Variants in ADCY1 observed in about 807,000 individuals in gnomAD.
The protein encoded by ADCY1 is adenylate cyclase 1.
A neutral mutation model predicts 105.4 loss-of-function variants in ADCY1; 28 were observed. The ratio of observed to expected loss-of-function variants is 0.27; its 90% CI spans 0.20 to 0.36. The LOEUF (loss-of-function observed/expected upper bound fraction) is 0.36, where lower values mean the gene tolerates loss of function less well. Ranked by LOEUF, ADCY1 falls within the 10% of genes least tolerant of loss-of-function variation. The pLI, the probability that ADCY1 is intolerant of heterozygous loss-of-function variation, is 1.00. For synonymous variants in ADCY1, 655 were observed against 623.8 expected, an observed-to-expected ratio of 1.05 and a Z score of -0.75; for missense variants, 977 against 1,434.2, an observed-to-expected ratio of 0.68 and a Z score of 5.15.
Position 45,719,399 on chromosome 7 carries a change from A to T in ADCY1, c.*5404A>T, listed in dbSNP as rs1454240294. 1 of 152,246 alleles carries T rather than the reference A, an allele frequency of 6.6e-6. No homozygotes were observed. Among genetic ancestry groups the T allele is most frequent in the Non-Finnish European group, 1.5e-5 (1 of 68,046 alleles). The allele number at this position is 152,246 out of a possible 1,614,324, so 9.4% of individuals were successfully genotyped here. ...GCAGATCCTGTACTAGGATGTGAGG[A>T]TATCTGTCACCTGCGTGGTCCATTC... On this transcript the variant is annotated 3_prime_UTR_variant, in exon 20 of 20. Transcript: ENST00000297323.
chr7:45,603,634 C>T (rs938279624), intron 2 of ADCY1, among the ~76,000 whole-genome samples: 1 of 152,134 alleles, frequency 6.6e-6, no homozygotes, highest in African/African-American at 2.4e-5. Context: ...ATTGGGACAG[C>T]CAAGATATGG....
rs1387210781 is a variant in ADCY1 at position 45,662,066 on chromosome 7, C to A, written c.1457C>A (p.Pro486Gln). The A allele has an allele frequency of 6.2e-7, 1 of 1,613,864 alleles. No individual in the cohort carries two copies. Among genetic ancestry groups the A allele is most frequent in the East Asian group, 2.2e-5 (1 of 44,878 alleles). ...CCTTGTGTGTTTGGACAGATATTTC[C>A]AGGCCTGATTCTCTCAGATATAAAA... ...IVPSHRRKIF[P>Q]GLILSDIKPA... Residue 486 changes from proline to glutamine, a missense_variant, in exon 8 of 20, where the codon CCA becomes CAA. Transcript: ENST00000297323.
chr7:45,583,952 T>TG (rs1562673101), intron 1 of ADCY1, among the ~76,000 whole-genome samples: 35 of 145,468 alleles, frequency 2.4e-4, no homozygotes, highest in Non-Finnish European at 3.5e-4. Flanking sequence ...TTTTTTTTTT[T>TG]TTTTTTTTTT....
intron 2 of ADCY1, among the ~76,000 whole-genome samples, chr7:45,605,214 T>G (rs1166851244): frequency 6.6e-6 from 1 of 152,098 alleles, no homozygotes; most frequent in African/African-American, 2.4e-5. Flanking sequence ...TAGGAGTCTT[T>G]TTGGTACAAT....
At chr7:45,698,569 G>A (rs1784930139) in intron 14 of ADCY1, among the ~76,000 whole-genome samples, 1 of 152,192 alleles carries the variant, frequency 6.6e-6, no homozygotes, top group African/African-American at 2.4e-5. Flanking sequence ...TGGGTCTGAA[G>A]TGCTGAGTTG....
intron 1 of ADCY1, among the ~76,000 whole-genome samples, chr7:45,583,560 A>G (rs1332127408): frequency 6.6e-6 from 1 of 152,210 alleles, no homozygotes. Context: ...GCCTTTGGGA[A>G]GTGGCTCAGC....
chr7:45,621,090 G>C (rs564365080), intron 3 of ADCY1, among the ~76,000 whole-genome samples: 1 of 151,670 alleles, frequency 6.6e-6, no homozygotes, highest in African/African-American at 2.4e-5. Context: ...TTTTTGAGAC[G>C]GGGTTCCACT....
chr7:45,610,830 G>GTGGAAGTATGGAGGTGACAT (rs1793544007), intron 3 of ADCY1, among the ~76,000 whole-genome samples: 2 of 98,810 alleles, frequency 2.0e-5, no homozygotes, highest in African/African-American at 3.7e-5. Context: ...GGAGGTGATA[G>GTGGAAGTATGGAGGTGACAT]TGGAGGTGTG....
At position 45,678,008 on chromosome 7, in the gene ADCY1, T is replaced by C. The variant is rs752856161; in HGVS notation, c.1745T>C (p.Met582Thr). The change falls in exon 9 of 20, where the codon ATG becomes ACG. Residue 582 changes from methionine to threonine, a missense_variant. Transcript: ENST00000297323. ...LLEARQTELE[M>T]ADLNFFTLKY... ...GAAGCCCGCCAGACAGAGCTGGAGA[T>C]GGCAGACCTGAACTTCTTTACCCTG... The C allele has an allele frequency of 6.2e-7, 1 of 1,614,078 alleles. No individual in the cohort carries two copies. Among genetic ancestry groups the C allele is most frequent in the African/African-American group, 1.3e-5 (1 of 74,936 alleles).
At chr7:45,660,981 G>A (rs1795084800) in intron 7 of ADCY1, among the ~76,000 whole-genome samples, 1 of 149,762 alleles carries the variant, frequency 6.7e-6, no homozygotes, top group Non-Finnish European at 1.5e-5. Flanking sequence ...GCTTAGGTGA[G>A]GGGTTCATGG....
chr7:45,582,473 C>A (rs574141817), intron 1 of ADCY1, among the ~76,000 whole-genome samples: 1 of 151,540 alleles, frequency 6.6e-6, no homozygotes, highest in Non-Finnish European at 1.5e-5. Context: ...AGGCAGGGAC[C>A]GGGCTAGGAC....
Position 45,686,013 on chromosome 7 carries a change from G to A in ADCY1, c.2125G>A (p.Val709Ile), listed in dbSNP as rs1386017889. Residue 709 changes from valine (V) to isoleucine (I), a missense_variant, in exon 13 of 20, where the codon GTC becomes ATC. Coordinates refer to ENST00000297323, the MANE Select transcript of ADCY1 (RefSeq NM_021116.4). The surrounding 1 kb of genome is among the most constrained non-coding windows in gnomAD (Gnocchi z 4.3). ...WSSKPNSSLV[V>I]LSSGGQRTAL... is the part of the protein sequence containing the mutation. ...CTCCAAGCCCAACAGTTCCCTGGTG[G>A]TCCTTTCGTCTGGGGGCCAGCGCAC... 6.2e-7 allele frequency: 1 copy of A among 1,614,044 alleles called. No homozygotes were observed. The highest frequency in any genetic ancestry group is 8.5e-7 in the Non-Finnish European group (1 of 1,180,000).
At chr7:45,654,332 G>A (rs1177909305) in intron 5 of ADCY1, among the ~76,000 whole-genome samples, 1 of 152,170 alleles carries the variant, frequency 6.6e-6, no homozygotes, top group East Asian at 1.9e-4. Context: ...CACCATTTTT[G>A]CTAAATAGAC....
At chr7:45,600,667 A>G (rs1442313515) in intron 2 of ADCY1, among the ~76,000 whole-genome samples, 1 of 152,214 alleles carries the variant, frequency 6.6e-6, no homozygotes, top group Non-Finnish European at 1.5e-5. Context: ...GCAACAAGAG[A>G]AATGTATTTC....
At chr7:45,662,792 C>G (rs561406034) in intron 8 of ADCY1, among the ~76,000 whole-genome samples, 1 of 152,200 alleles carries the variant, frequency 6.6e-6, no homozygotes, top group Admixed American at 6.5e-5. Context: ...GCCCGCAGTG[C>G]CTGATTCCCC....
rs562728275 is a variant in ADCY1 at position 45,686,442 on chromosome 7, G to A, written c.2328-105G>A. 5.2e-5 allele frequency: 78 copies of A among 1,496,662 alleles called. 1 individual carries two copies. The East Asian group carries it at 1.6e-3, about 30-fold the overall frequency. 92.7% of individuals were successfully genotyped at this position (1,496,662 alleles called of 1,614,324 possible). On this transcript the variant is annotated intron_variant, in intron 13 of 19. Transcript: ENST00000297323. The surrounding 1 kb of genome is among the most constrained non-coding windows in gnomAD (Gnocchi z 4.3). ...GTCAATCCCAGCAAGCTGTTTTTGGGTGTCACCACCTGAGGGTCACTCTGA... is the reference window on the plus strand; with the variant it reads ...GTCAATCCCAGCAAGCTGTTTTTGGATGTCACCACCTGAGGGTCACTCTGA...
At chr7:45,665,892 G>A (rs1784239033) in intron 8 of ADCY1, among the ~76,000 whole-genome samples, 1 of 152,134 alleles carries the variant, frequency 6.6e-6, no homozygotes, top group South Asian at 2.1e-4. Flanking sequence ...TTTCACAAAT[G>A]TCTTAGTAAA....
At chr7:45,675,744 C>T (rs746445973) in intron 8 of ADCY1, among the ~76,000 whole-genome samples, 1 of 151,904 alleles carries the variant, frequency 6.6e-6, no homozygotes, top group Non-Finnish European at 1.5e-5. Flanking sequence ...TTTTTTCCTC[C>T]CCCAAAAAAT....
chr7:45,578,099 C>T (rs146795025), intron 1 of ADCY1, among the ~76,000 whole-genome samples: 36 of 152,300 alleles, frequency 2.4e-4, no homozygotes, highest in African/African-American at 7.7e-4. Context: ...GCATCTGGTT[C>T]CTCTCCTGTA....
Sources: allele counts gnomAD v4.1 joint callset (sites outside exome capture counted in the v4.1 genomes callset), GRCh38; gene constraint gnomAD v4.1.1; non-coding constraint Gnocchi (gnomAD v3.1); transcripts MANE v1.5; gene names NCBI Gene and HGNC (gene_info 2026-07-23, HGNC 2026-07-21).